UNC13C: variants seen among roughly 807,000 people sequenced by gnomAD.
UNC13C encodes the protein unc-13 homolog C, also known as protein unc-13 homolog C.
Under a neutral mutation model 245.4 loss-of-function variants are expected in UNC13C, and 174 were observed. The observed-to-expected ratio is 0.71, with a 90% confidence interval of 0.63 to 0.80. UNC13C has a LOEUF of 0.80. UNC13C is among the 30% of genes least tolerant of loss of function. The pLI is 0.00. For synonymous variants in UNC13C, 992 were observed against 895.1 expected, an observed-to-expected ratio of 1.11 and a Z score of -1.93; for missense variants, 2,829 against 2,602.9, an observed-to-expected ratio of 1.09 and a Z score of -1.89.
intron 2 of UNC13C, among the ~76,000 whole-genome samples, chr15:54,066,939 T>G (rs1489414372): frequency 6.6e-6 from 1 of 152,198 alleles, no homozygotes; most frequent in Non-Finnish European, 1.5e-5. Flanking sequence ...GTTTTCTTTT[T>G]TTTTTAATTT....
chr15:54,154,899 T>C (rs967829404), intron 4 of UNC13C, among the ~76,000 whole-genome samples: 3 of 152,184 alleles, frequency 2.0e-5, no homozygotes, highest in African/African-American at 7.2e-5. Flanking sequence ...TAAGAAGATA[T>C]TTCCAATAAT....
chr15:53,979,859 T>C (rs1314798810), intron 1 of UNC13C, among the ~76,000 whole-genome samples: 2 of 152,206 alleles, frequency 1.3e-5, no homozygotes, highest in Non-Finnish European at 2.9e-5. Flanking sequence ...GAAAATCATC[T>C]TACCACCTTT....
intron 4 of UNC13C, among the ~76,000 whole-genome samples, chr15:54,161,364 T>A (rs1367892445): frequency 6.6e-6 from 1 of 152,186 alleles, no homozygotes; most frequent in African/African-American, 2.4e-5. Flanking sequence ...CATAAAGCCA[T>A]TTCTTTCTGC....
chr15:54,495,995 A>T (rs1893934155), intron 20 of UNC13C, among the ~76,000 whole-genome samples: 1 of 151,996 alleles, frequency 6.6e-6, no homozygotes, highest in Admixed American at 6.6e-5. Flanking sequence ...AGTTCAAGAG[A>T]TCTATTATAC....
chr15:54,093,215 A>G (rs550825596), intron 2 of UNC13C, among the ~76,000 whole-genome samples: 3 of 150,734 alleles, frequency 2.0e-5, no homozygotes, highest in Non-Finnish European at 3.0e-5. Flanking sequence ...GCCAAAATCA[A>G]TCTTGTCTAT....
chr15:54,494,207 A>T (rs1171718491), intron 19 of UNC13C, among the ~76,000 whole-genome samples: 1 of 152,140 alleles, frequency 6.6e-6, no homozygotes, highest in Non-Finnish European at 1.5e-5. Flanking sequence ...CGTTGTGCAC[A>T]TGTACCCTAA....
chr15:53,943,424 A>G, the UNC13C span, among the ~76,000 whole-genome samples: 1 of 152,210 alleles, frequency 6.6e-6, no homozygotes, highest in Non-Finnish European at 1.5e-5. Context: ...AACAAGAATT[A>G]TCTCCTCTAG....
chr15:54,057,195 T>C (rs918258197), intron 2 of UNC13C, among the ~76,000 whole-genome samples: 5 of 152,018 alleles, frequency 3.3e-5, no homozygotes, highest in African/African-American at 1.2e-4. Context: ...GACCCATCGA[T>C]GTGCTGTATT....
At chr15:54,619,210 A>AAGAT (rs1490720341) in intron 30 of UNC13C, among the ~76,000 whole-genome samples, 2 of 152,044 alleles carry the variant, frequency 1.3e-5, no homozygotes, top group Admixed American at 6.6e-5. Context: ...AAATTTTGCT[A>AAGAT]AGATATCTGT....
chr15:54,312,900 G>A (rs948273556), intron 13 of UNC13C, among the ~76,000 whole-genome samples: 21 of 151,780 alleles, frequency 1.4e-4, no homozygotes, highest in African/African-American at 4.8e-4. Context: ...CTAGCCAGCT[G>A]CCTAAAGTTA....
At chr15:54,059,309 A>G (rs2141071920) in intron 2 of UNC13C, among the ~76,000 whole-genome samples, 1 of 152,296 alleles carries the variant, frequency 6.6e-6, no homozygotes, top group Admixed American at 6.5e-5. Context: ...AAGCATTTTT[A>G]TACACCAATA....
intron 2 of UNC13C, among the ~76,000 whole-genome samples, chr15:54,031,395 T>C (rs893199870): frequency 2.6e-5 from 4 of 152,170 alleles, no homozygotes; most frequent in African/African-American, 9.7e-5. Context: ...GGCTAATTTT[T>C]TGTATTTTTA....
the UNC13C span, among the ~76,000 whole-genome samples, chr15:53,952,474 A>G: frequency 1.3e-5 from 2 of 152,154 alleles, no homozygotes; most frequent in African/African-American, 4.8e-5. Flanking sequence ...CAATTAATTT[A>G]TGTTACTAGT....
At chr15:54,069,419 T>G (rs944362728) in intron 2 of UNC13C, among the ~76,000 whole-genome samples, 11 of 152,194 alleles carry the variant, frequency 7.2e-5, no homozygotes, top group Non-Finnish European at 1.6e-4. Flanking sequence ...CAAGTGTGTT[T>G]GAATCCTGAC....
chr15:54,086,004 A>C (rs1899219171), intron 2 of UNC13C, among the ~76,000 whole-genome samples: 1 of 152,256 alleles, frequency 6.6e-6, no homozygotes, highest in South Asian at 2.1e-4. Context: ...ACATGTGTAC[A>C]TGTGGAATGA....
At chr15:54,000,323 C>G (rs1380408224) in intron 1 of UNC13C, among the ~76,000 whole-genome samples, 1 of 152,048 alleles carries the variant, frequency 6.6e-6, no homozygotes, top group Non-Finnish European at 1.5e-5. Flanking sequence ...CCTCTCCAAA[C>G]TTTGATCTAC....
intron 19 of UNC13C, among the ~76,000 whole-genome samples, chr15:54,425,492 A>T (rs2140966938): frequency 6.6e-6 from 1 of 151,992 alleles, no homozygotes; most frequent in Non-Finnish European, 1.5e-5. Flanking sequence ...CAGGCATGAG[A>T]GATCTTACTA....
intron 1 of UNC13C, among the ~76,000 whole-genome samples, chr15:53,982,160 C>T (rs1029615994): frequency 6.6e-6 from 1 of 152,116 alleles, no homozygotes; most frequent in Admixed American, 6.6e-5. Context: ...TTTTCACAAT[C>T]CCATCTTCAG....
intron 20 of UNC13C, among the ~76,000 whole-genome samples, chr15:54,495,743 A>C (rs1893919497): frequency 1.3e-5 from 2 of 152,036 alleles, no homozygotes; most frequent in African/African-American, 4.8e-5. Context: ...AGCTTGTACC[A>C]CATTCATCAG....
Sources: gnomAD v4.1 joint callset for allele counts (sites outside exome capture counted in the v4.1 genomes callset) on GRCh38, gnomAD v4.1.1 for gene constraint, MANE v1.5 for transcripts, NCBI Gene and HGNC (gene_info 2026-07-23, HGNC 2026-07-21) for gene names.